SNX29: variants seen among roughly 807,000 people sequenced by gnomAD.
The protein encoded by SNX29 is sorting nexin 29.
A neutral mutation model predicts 102.1 loss-of-function variants in SNX29; 78 were observed. The observed-to-expected ratio is 0.76, with a 90% CI of 0.64 to 0.92. The LOEUF is 0.92. Among genes scored for constraint, SNX29 ranks in the 40% least tolerant of loss-of-function variants. The pLI is 0.00. For missense variants in SNX29, 1,280 were observed against 1,061.7 expected, an observed-to-expected ratio of 1.21 and a Z score of -2.86; for synonymous variants, 580 against 414.5, an observed-to-expected ratio of 1.40 and a Z score of -4.85.
intron 19 of SNX29, among the ~76,000 whole-genome samples, chr16:12,486,711 C>T (rs1380039327): frequency 6.6e-6 from 1 of 152,208 alleles, no homozygotes; most frequent in Non-Finnish European, 1.5e-5. Context: ...CCTAAGTCAA[C>T]TCCTCAACCT....
intron 20 of SNX29, among the ~76,000 whole-genome samples, chr16:12,532,341 G>A (rs1337331626): frequency 2.0e-5 from 3 of 152,212 alleles, no homozygotes; most frequent in South Asian, 2.1e-4. Context: ...GCTAGCAGGT[G>A]CCTGTGTTGT....
intron 13 of SNX29, among the ~76,000 whole-genome samples, chr16:12,132,791 A>G (rs2054515767): frequency 6.6e-6 from 1 of 152,262 alleles, no homozygotes; most frequent in Non-Finnish European, 1.5e-5. Flanking sequence ...TGTAGGCAGA[A>G]GGAACAGATA....
intron 18 of SNX29, among the ~76,000 whole-genome samples, chr16:12,430,033 C>G (rs543985699): frequency 2.1e-4 from 32 of 152,344 alleles, no homozygotes; most frequent in Non-Finnish European, 4.3e-4. Flanking sequence ...AGCATTACTG[C>G]CTGAGCTCCG....
At chr16:11,996,668 A>G (rs778465654) in intron 1 of SNX29, among the ~76,000 whole-genome samples, 1 of 152,198 alleles carries the variant, frequency 6.6e-6, no homozygotes, top group Non-Finnish European at 1.5e-5. Flanking sequence ...GGGCTCACTC[A>G]TACTTGGAAA....
At chr16:12,445,676 ACTT>A (rs1340778079) in intron 18 of SNX29, among the ~76,000 whole-genome samples, 1 of 152,210 alleles carries the variant, frequency 6.6e-6, no homozygotes, top group Non-Finnish European at 1.5e-5. Flanking sequence ...TGGGTTCAGA[ACTT>A]CTCTTTCTGC....
Position 12,572,006 on chromosome 16 carries a change from G to A in SNX29, c.*3377G>A, listed in dbSNP as rs545213856. On this transcript the variant is annotated 3_prime_UTR_variant, in exon 21 of 21. Coordinates refer to ENST00000566228, the MANE Select transcript of SNX29 (RefSeq NM_032167.5). The stretch of plus-strand genomic sequence containing the variant: ...CACATCCAGTCACCAGTTGCATCTA[G>A]GGAGCTGCTGGCTATAAAAGGGATC... 10 of 1,062,434 alleles carry A rather than the reference G, an allele frequency of 9.4e-6. No homozygotes were observed. The highest frequency in any genetic ancestry group is 1.1e-5 in the Non-Finnish European group (10 of 877,548). The allele number at this position is 1,062,434 out of a possible 1,614,324, so 65.8% of individuals were successfully genotyped here.
At chr16:12,549,989 T>C (rs1178443917) in intron 20 of SNX29, among the ~76,000 whole-genome samples, 1 of 152,232 alleles carries the variant, frequency 6.6e-6, no homozygotes, top group Non-Finnish European at 1.5e-5. Context: ...ACTTCATGTA[T>C]AGCTTCTTAT....
chr16:12,524,716 G>A lies in SNX29; in HGVS notation c.2193G>A (p.Val731=). ...TGTTTCCTCAGGATGCCAAGTTTGT[G>A]GAGGAACGGAGAAAGCAGCTCCAGA... ...KAIGNKDAKF[V]EERRKQLQNY... The change falls in exon 20 of 21, where the codon GTG becomes GTA. Residue 731 remains valine, a synonymous_variant. Coordinates refer to ENST00000566228, the MANE Select transcript of SNX29 (RefSeq NM_032167.5). 1 of 1,613,390 alleles carries A rather than the reference G, an allele frequency of 6.2e-7. No homozygotes were observed. Among genetic ancestry groups the A allele is most frequent in the Non-Finnish European group, 8.5e-7 (1 of 1,179,640 alleles).
intron 11 of SNX29, among the ~76,000 whole-genome samples, chr16:12,085,893 G>C (rs1392440090): frequency 3.9e-5 from 6 of 152,030 alleles, no homozygotes; most frequent in African/African-American, 9.7e-5. Flanking sequence ...ATGGCTAGTA[G>C]AACAGATAGT....
At chr16:12,390,259 TG>T (rs1462881839) in intron 16 of SNX29, among the ~76,000 whole-genome samples, 1 of 151,704 alleles carries the variant, frequency 6.6e-6, no homozygotes, top group East Asian at 1.9e-4. Flanking sequence ...GCAGCCAGAG[TG>T]ACTGAAGTGT....
chr16:12,507,333 G>A (rs1001074928), intron 19 of SNX29, among the ~76,000 whole-genome samples: 1 of 152,232 alleles, frequency 6.6e-6, no homozygotes, highest in Non-Finnish European at 1.5e-5. Context: ...CTTGACTCCT[G>A]TCTGGCGTTG....
chr16:12,534,133 C>G lies in SNX29; in HGVS notation c.2318+9292C>G, dbSNP rs1226029867. On this transcript the variant is annotated intron_variant, in intron 20 of 20. Transcript: ENST00000566228. ...GACAAGGTGCTAACCAGGACAGCTC[C>G]AACACCAGGCCTCAGGGCAGCGCGG... Among the ~76,000 whole-genome samples the G allele has an allele frequency of 2.0e-5, 3 of 152,342 alleles. No homozygotes were observed. The East Asian group carries it at 5.8e-4, about 29-fold the overall frequency.
intron 16 of SNX29, among the ~76,000 whole-genome samples, chr16:12,360,660 C>A (rs9924462): frequency 4.0e-5 from 6 of 151,636 alleles, no homozygotes; most frequent in Non-Finnish European, 8.8e-5. Context: ...CACCCCCTAC[C>A]GTATTGAAAG....
intron 20 of SNX29, among the ~76,000 whole-genome samples, chr16:12,547,953 T>G (rs1436852048): frequency 6.6e-6 from 1 of 152,160 alleles, no homozygotes; most frequent in African/African-American, 2.4e-5. Context: ...GCCCTCAAGG[T>G]GCTCAGTCTT....
At chr16:12,200,943 A>G (rs1350391127) in intron 14 of SNX29, among the ~76,000 whole-genome samples, 1 of 152,218 alleles carries the variant, frequency 6.6e-6, no homozygotes, top group Non-Finnish European at 1.5e-5. Context: ...AGTTTCTAGT[A>G]TGGTACCTGG....
chr16:12,391,917 T>G (rs2083544457), intron 16 of SNX29, among the ~76,000 whole-genome samples: 1 of 152,226 alleles, frequency 6.6e-6, no homozygotes, highest in Admixed American at 6.5e-5. Context: ...TAACAAGTCA[T>G]GTACATGGTA....
At chr16:12,523,644 C>G (rs1339324913) in intron 19 of SNX29, among the ~76,000 whole-genome samples, 1 of 152,154 alleles carries the variant, frequency 6.6e-6, no homozygotes, top group Non-Finnish European at 1.5e-5. Context: ...CCAGTGTGGA[C>G]CCTCTGTGAC....
intron 14 of SNX29, among the ~76,000 whole-genome samples, chr16:12,270,587 A>G (rs961181621): frequency 1.3e-5 from 2 of 152,232 alleles, no homozygotes; most frequent in African/African-American, 4.8e-5. Context: ...TAACCTGTTC[A>G]GTCGATTCCC....
chr16:12,405,460 C>T (rs1417330759), intron 18 of SNX29, among the ~76,000 whole-genome samples: 1 of 152,192 alleles, frequency 6.6e-6, no homozygotes, highest in Non-Finnish European at 1.5e-5. Context: ...CAGGCCTGGC[C>T]GCTCTGCATC....
Sources: allele counts gnomAD v4.1 joint callset (sites outside exome capture counted in the v4.1 genomes callset), GRCh38; gene constraint gnomAD v4.1.1; transcripts MANE v1.5; gene names NCBI Gene and HGNC (gene_info 2026-07-23, HGNC 2026-07-21).